LAMC1: variants seen among roughly 807,000 people sequenced by gnomAD.
LAMC1 encodes laminin subunit gamma 1.
Under a neutral mutation model 173.6 loss-of-function variants are expected in LAMC1, and 38 were observed. The ratio of observed to expected loss-of-function variants is 0.22; its 90% CI spans 0.17 to 0.29. The LOEUF is 0.29. Ranked by LOEUF, LAMC1 falls within the 10% of genes least tolerant of loss-of-function variation. The probability of loss-of-function intolerance (pLI) is 1.00; values close to 1 mark genes in which losing one functional copy is unlikely to be tolerated. For synonymous variants in LAMC1, 746 were observed against 749.1 expected (o/e 1.00, Z 0.07); for missense variants, 1,824 against 2,051.8 (o/e 0.89, Z 2.14).
intron 1 of LAMC1, among the ~76,000 whole-genome samples, chr1:183,067,847 A>G (rs1422771308): frequency 1.3e-5 from 2 of 152,086 alleles, no homozygotes; most frequent in African/African-American, 4.8e-5. Context: ...TGACCTTAAT[A>G]TTTGTAGTAT....
At chr1:183,114,853 A>G (rs770084212) in intron 5 of LAMC1, 134 bp downstream of exon 5, 17 of 871,982 alleles carry the variant, frequency 1.9e-5, no homozygotes, top group Non-Finnish European at 2.8e-5. Context: ...GAAATCAGTC[A>G]AGATCTGTCT....
rs765895953 is a variant in LAMC1 at position 183,103,500 on chromosome 1, A to G, written c.591A>G (p.Gly197=). Residue 197 remains glycine (G), a synonymous_variant, in exon 2 of 28, where the codon GGA becomes GGG. Transcript: ENST00000258341. Reference sequence around the variant, plus strand: ...CAAACCGCGGCTTCATCAGGACAGGAGGGGACGAGCAGCAGGCCTTGTGTA... The same window carrying G: ...CAAACCGCGGCTTCATCAGGACAGGGGGGGACGAGCAGCAGGCCTTGTGTA... ...SKANRGFIRT[G]GDEQQALCTD... The G allele has an allele frequency of 6.2e-7, 1 of 1,614,212 alleles. No individual in the cohort carries two copies. The highest frequency in any genetic ancestry group is 8.5e-7 in the Non-Finnish European group (1 of 1,180,030).
intron 1 of LAMC1, among the ~76,000 whole-genome samples, chr1:183,055,517 G>A (rs541867198): frequency 9.9e-5 from 15 of 152,006 alleles, no homozygotes; most frequent in Non-Finnish European, 2.1e-4. Flanking sequence ...AGGATTAAAT[G>A]AAATAAAGGC....
At position 183,112,038 on chromosome 1, in the gene LAMC1, C is replaced by CA. The variant is rs1438540228; in HGVS notation, c.1021+1390dup. ...TGGGCAACAGAGTGAGACTCCGTCT[C>CA]AAAAAACAAAAACAAACAAAAAAAT... On this transcript the variant is annotated intron_variant, in intron 4 of 27. Coordinates refer to ENST00000258341, the MANE Select transcript of LAMC1 (RefSeq NM_002293.4). Among the ~76,000 whole-genome samples, 10 of 152,228 alleles carry CA rather than the reference C, an allele frequency of 6.6e-5. No individual in the cohort carries two copies. In the East Asian group the frequency reaches 1.9e-3, roughly 29 times the overall value.
intron 13 of LAMC1, 131 bp from the exon 14 acceptor site, chr1:183,124,500 T>A: frequency 9.2e-7 from 1 of 1,085,718 alleles, no homozygotes; most frequent in Non-Finnish European, 1.3e-6. Context: ...GCAGCCCAGG[T>A]CCTCTGCCCT....
intron 26 of LAMC1, among the ~76,000 whole-genome samples, chr1:183,140,030 A>C (rs751281128): frequency 1.6e-4 from 24 of 152,278 alleles, no homozygotes; most frequent in South Asian, 6.2e-4. Flanking sequence ...CATAGTTTCT[A>C]TAATCATCCT....
chr1:183,063,960 T>G (rs1278398374), intron 1 of LAMC1, among the ~76,000 whole-genome samples: 1 of 152,376 alleles, frequency 6.6e-6, no homozygotes, highest in Non-Finnish European at 1.5e-5. Flanking sequence ...TAATTTACTT[T>G]GAATGACAAA....
chr1:183,048,264 G>A (rs1340650219), intron 1 of LAMC1, among the ~76,000 whole-genome samples: 1 of 152,134 alleles, frequency 6.6e-6, no homozygotes, highest in Non-Finnish European at 1.5e-5. Flanking sequence ...CATTTTACAA[G>A]GAAACATGCT....
rs1469307033 is a variant in LAMC1 at position 183,126,031 on chromosome 1, A to G, written c.2802-89A>G. The stretch of plus-strand genomic sequence containing the variant: ...ATTCAGTTTTCTGATACAAGTTACA[A>G]ATTACATCAGTGCTATACTAAAAAA... On this transcript the variant is annotated intron_variant, in intron 15 of 27. Coordinates refer to ENST00000258341, the MANE Select transcript of LAMC1 (RefSeq NM_002293.4). 3.2e-6 allele frequency: 4 copies of G among 1,254,348 alleles called. No homozygotes were observed. The African/African-American group carries it at 4.5e-5, about 14-fold the overall frequency. The allele number at this position is 1,254,348 out of a possible 1,614,324, so 77.7% of individuals were successfully genotyped here.
intron 1 of LAMC1, among the ~76,000 whole-genome samples, chr1:183,072,472 C>G (rs1260154511): frequency 6.6e-6 from 1 of 152,170 alleles, no homozygotes; most frequent in Non-Finnish European, 1.5e-5. Context: ...TGGGTGTGGT[C>G]ACTTCTAGAA....
intron 3 of LAMC1, among the ~76,000 whole-genome samples, chr1:183,109,580 A>G (rs549084460): frequency 6.6e-6 from 1 of 152,314 alleles, no homozygotes; most frequent in Non-Finnish European, 1.5e-5. Flanking sequence ...GTCATGGGGG[A>G]CATCAAAGTT....
In LAMC1 at chr1:183,097,354, C is replaced by T. The variant is rs185042385; in HGVS notation, c.419-5974C>T. The stretch of plus-strand genomic sequence containing the variant: ...TTCAAGGAGAGCATTCCTTTTCTGA[C>T]TTCCAAAGAGTTAACACATAAGAGC... On this transcript the variant is annotated intron_variant, in intron 1 of 27. Coordinates refer to ENST00000258341, the MANE Select transcript of LAMC1 (RefSeq NM_002293.4). 4.3e-4 allele frequency among the ~76,000 whole-genome samples: 66 copies of T among 152,260 alleles called. No homozygotes were observed. In the Middle Eastern group the frequency reaches 0.01, roughly 24 times the overall value.
rs976783158 is a variant in LAMC1 at position 183,023,860 on chromosome 1, G to T, written c.144G>T (p.Gln48His). ...DECTDEGGRP[Q>H]RCMPEFVNAA... ...GCACGGACGAGGGCGGGCGGCCGCA[G>T]CGCTGCATGCCCGAGTTCGTCAACG... Residue 48 changes from glutamine (Q) to histidine (H), a missense_variant, in exon 1 of 28, where the codon CAG becomes CAT. Gln to His is a conservative substitution (Grantham distance 24). Transcript: ENST00000258341. The T allele has an allele frequency of 1.9e-6, 3 of 1,610,778 alleles. No homozygotes were observed. Among genetic ancestry groups the T allele is most frequent in the Admixed American group, 1.7e-5 (1 of 59,924 alleles).
At chr1:183,093,663 C>G (rs1050464531) in intron 1 of LAMC1, among the ~76,000 whole-genome samples, 9 of 152,112 alleles carry the variant, frequency 5.9e-5, no homozygotes, top group African/African-American at 1.7e-4. Flanking sequence ...TATATCCTAC[C>G]TGCTGAATTG....
chr1:183,110,544 T>C lies in LAMC1; in HGVS notation c.911T>C (p.Val304Ala), dbSNP rs779921009. Reference protein sequence around the residue: ...ECMKNEFDKLVCNCKHNTYGV... With the variant: ...ECMKNEFDKLACNCKHNTYGV... The stretch of plus-strand genomic sequence containing the variant: ...ATGAAGAACGAATTTGATAAGCTGG[T>C]GTGTAATTGCAAACATAACACATAT... The change falls in exon 4 of 28, where the codon GTG (valine) becomes GCG (alanine). Residue 304 changes from valine (V) to alanine (A), a missense_variant. Val to Ala is a moderately conservative substitution (Grantham distance 64). Transcript: ENST00000258341. 4 of 1,613,932 alleles carry C rather than the reference T, an allele frequency of 2.5e-6. No individual in the cohort carries two copies. The South Asian group carries it at 4.4e-5, about 18-fold the overall frequency.
intron 1 of LAMC1, among the ~76,000 whole-genome samples, chr1:183,034,093 G>A (rs998946901): frequency 6.6e-6 from 1 of 152,194 alleles, no homozygotes; most frequent in African/African-American, 2.4e-5. Context: ...ATTCTAATTA[G>A]TGGACAAAGG....
At chr1:183,134,900 C>A in intron 23 of LAMC1, 91 bp downstream of exon 23, 2 of 1,407,124 alleles carry the variant, frequency 1.4e-6, no homozygotes, top group Non-Finnish European at 2.0e-6. Flanking sequence ...TCAGAGACAG[C>A]AGACCCCAGT....
chr1:183,049,292 T>C (rs1340725576), intron 1 of LAMC1, among the ~76,000 whole-genome samples: 2 of 152,214 alleles, frequency 1.3e-5, no homozygotes, highest in Non-Finnish European at 2.9e-5. Context: ...CTGGTCTGAT[T>C]GTAATTACAG....
At chr1:183,069,162 A>G (rs1654947957) in intron 1 of LAMC1, among the ~76,000 whole-genome samples, 1 of 152,182 alleles carries the variant, frequency 6.6e-6, no homozygotes, top group African/African-American at 2.4e-5. Context: ...GAATGGTTTT[A>G]GGTTCATTGT....
Sources: allele counts gnomAD v4.1 joint callset (sites outside exome capture counted in the v4.1 genomes callset), GRCh38; gene constraint gnomAD v4.1.1; transcripts MANE v1.5; gene names NCBI Gene and HGNC (gene_info 2026-07-23, HGNC 2026-07-21).